Variants in CYYR1 observed in about 807,000 individuals in gnomAD.
CYYR1 encodes cysteine and tyrosine-rich protein 1.
CYYR1 carries 14 observed loss-of-function variants against 15.2 expected under a neutral mutation model. The ratio of observed to expected loss-of-function variants is 0.92; its 90% CI spans 0.61 to 1.44. CYYR1 has a LOEUF of 1.44. Ranked by LOEUF, CYYR1 falls within the 40% of genes most tolerant of loss-of-function variation. The pLI is 0.00. For missense variants in CYYR1, 228 were observed against 209.5 expected (o/e 1.09, Z -0.54); for synonymous variants, 80 against 77.4 (o/e 1.03, Z -0.18).
chr21:26,515,452 G>A (rs1183915771), intron 2 of CYYR1, among the ~76,000 whole-genome samples: 2 of 151,788 alleles, frequency 1.3e-5, no homozygotes, highest in Non-Finnish European at 2.9e-5. Context: ...CTCAACCACT[G>A]GCGTTCAAGT....
At chr21:26,469,344 A>G (rs1457590492) in intron 3 of CYYR1, among the ~76,000 whole-genome samples, 1 of 152,292 alleles carries the variant, frequency 6.6e-6, no homozygotes, top group Non-Finnish European at 1.5e-5. Flanking sequence ...TTACAGAAAT[A>G]TGAAGAAGAC....
intron 2 of CYYR1, among the ~76,000 whole-genome samples, chr21:26,504,228 T>G (rs977486435): frequency 6.6e-6 from 1 of 151,730 alleles, no homozygotes; most frequent in African/African-American, 2.4e-5. Flanking sequence ...TGTGATGTAT[T>G]TATTTATTTA....
chr21:26,498,542 T>C (rs1474945442), intron 2 of CYYR1, among the ~76,000 whole-genome samples: 2 of 152,204 alleles, frequency 1.3e-5, no homozygotes, highest in African/African-American at 2.4e-5. Context: ...GTGAATGTGC[T>C]TGGAGAATTA....
At chr21:26,485,655 G>C (rs2065239410) in intron 2 of CYYR1, among the ~76,000 whole-genome samples, 1 of 152,038 alleles carries the variant, frequency 6.6e-6, no homozygotes, top group Non-Finnish European at 1.5e-5. Flanking sequence ...GCATGTATCA[G>C]TAGTTCATTC....
At chr21:26,508,903 G>T (rs763324832) in intron 2 of CYYR1, among the ~76,000 whole-genome samples, 2 of 152,176 alleles carry the variant, frequency 1.3e-5, no homozygotes, top group Non-Finnish European at 2.9e-5. Context: ...CTAAGACCAC[G>T]AGCATTGGTT....
In CYYR1 at chr21:26,548,314, C is replaced by G. The variant is rs189440154; in HGVS notation, c.176+17952G>C. On this transcript the variant is annotated intron_variant, in intron 2 of 3. Transcript: ENST00000652641. ...AATTACATAGGATAATAGGAGTGGA[C>G]AATGAAATGTTTTTTGGTAAGGTTT... Among the ~76,000 whole-genome samples, 220 of 152,184 alleles carry G rather than the reference C, an allele frequency of 1.4e-3. 2 individuals carry two copies. Among genetic ancestry groups the G allele is most frequent in the Non-Finnish European group, 1.6e-3 (107 of 68,006 alleles).
intron 2 of CYYR1, among the ~76,000 whole-genome samples, chr21:26,510,867 A>G (rs1283842122): frequency 6.6e-6 from 1 of 152,232 alleles, no homozygotes; most frequent in African/African-American, 2.4e-5. Context: ...AAGAAGTATT[A>G]TAAATAACAA....
At chr21:26,549,775 C>T (rs1186926461) in intron 2 of CYYR1, among the ~76,000 whole-genome samples, 1 of 152,092 alleles carries the variant, frequency 6.6e-6, no homozygotes, top group Non-Finnish European at 1.5e-5. Flanking sequence ...TCAATCTAAG[C>T]TTCCACGGTA....
At chr21:26,512,299 A>G (rs1364665721) in intron 2 of CYYR1, among the ~76,000 whole-genome samples, 2 of 152,060 alleles carry the variant, frequency 1.3e-5, no homozygotes, top group Non-Finnish European at 2.9e-5. Context: ...CCAGGGTCCA[A>G]GCGATTCTCC....
At chr21:26,477,935 T>C (rs2065124757) in intron 3 of CYYR1, 1 of 1,345,370 alleles carries the variant, frequency 7.4e-7, no homozygotes, top group Admixed American at 3.5e-5. Flanking sequence ...TGCATGTTAC[T>C]TTTGTAGTGA....
At chr21:26,509,950 C>A (rs1197941985) in intron 2 of CYYR1, among the ~76,000 whole-genome samples, 1 of 152,160 alleles carries the variant, frequency 6.6e-6, no homozygotes, top group Admixed American at 6.5e-5. Context: ...GCAACCAACT[C>A]TGGAATGATC....
intron 2 of CYYR1, among the ~76,000 whole-genome samples, chr21:26,493,051 G>C (rs993091990): frequency 6.6e-6 from 1 of 152,068 alleles, no homozygotes; most frequent in African/African-American, 2.4e-5. Flanking sequence ...GACGGGATTA[G>C]AGCAGAAGCA....
chr21:26,468,388 T>A lies in CYYR1; in HGVS notation c.*113A>T. 1.3e-6 allele frequency: 1 copy of A among 795,182 alleles called. No individual in the cohort carries two copies. 49.3% of individuals were successfully genotyped at this position (795,182 alleles called of 1,614,324 possible). On this transcript the variant is annotated 3_prime_UTR_variant, in exon 4 of 4. Transcript: ENST00000652641. ...CAGGGATATTCCACCTGACACATTA[T>A]CTGACCCCAAAAAGTATTCCTTGGA...
At chr21:26,551,877 G>A in intron 2 of CYYR1, 1 of 195,118 alleles carries the variant, frequency 5.1e-6, no homozygotes, top group Non-Finnish European at 1.0e-5. Flanking sequence ...TTCTACGGTG[G>A]GTCAAACGCT....
chr21:26,471,947 A>C (rs773701412), intron 3 of CYYR1, among the ~76,000 whole-genome samples: 3 of 152,170 alleles, frequency 2.0e-5, no homozygotes, highest in African/African-American at 7.2e-5. Flanking sequence ...AAGAAATGTA[A>C]TGTTTTCTAC....
At chr21:26,554,317 G>A (rs1283528631) in intron 2 of CYYR1, among the ~76,000 whole-genome samples, 2 of 152,044 alleles carry the variant, frequency 1.3e-5, no homozygotes, top group Non-Finnish European at 2.9e-5. Flanking sequence ...ATTACCCACT[G>A]ATTTTTGATA....
intron 1 of CYYR1, among the ~76,000 whole-genome samples, chr21:26,566,698 A>G (rs1477354752): frequency 6.6e-6 from 1 of 152,164 alleles, no homozygotes; most frequent in African/African-American, 2.4e-5. Context: ...TAGAGTTTTT[A>G]TAATAATTTT....
At chr21:26,517,592 G>C (rs954361981) in intron 2 of CYYR1, among the ~76,000 whole-genome samples, 1 of 152,142 alleles carries the variant, frequency 6.6e-6, no homozygotes, top group African/African-American at 2.4e-5. Flanking sequence ...GTCTTGCTTT[G>C]TTGTCCAGGC....
intron 2 of CYYR1, among the ~76,000 whole-genome samples, chr21:26,496,548 A>AT (rs992828615): frequency 7.9e-5 from 12 of 152,314 alleles, no homozygotes; most frequent in Middle Eastern, 3.4e-3. Context: ...ACATAGAATC[A>AT]TTTTTTTCTG....
Sources: allele counts gnomAD v4.1 joint callset (sites outside exome capture counted in the v4.1 genomes callset), GRCh38; gene constraint gnomAD v4.1.1; transcripts MANE v1.5; gene names NCBI Gene and HGNC (gene_info 2026-07-23, HGNC 2026-07-21).